Variants in FAM227B observed in about 807,000 individuals in gnomAD.
FAM227B encodes the protein family with sequence similarity 227 member B.
Under a neutral mutation model 73.8 loss-of-function variants are expected in FAM227B, and 88 were observed. That is an observed-to-expected ratio of 1.19 (90% CI 1.00 to 1.42). The LOEUF is 1.42. FAM227B is among the 40% of genes most tolerant of loss of function. FAM227B has a pLI of 0.00. For missense variants in FAM227B, 632 were observed against 590.9 expected, an observed-to-expected ratio of 1.07 and a Z score of -0.72; for synonymous variants, 210 against 190.5, an observed-to-expected ratio of 1.10 and a Z score of -0.84.
Position 49,615,237 on chromosome 15 carries a change from G to T in FAM227B, c.-66C>A. 1 of 1,405,450 alleles carries T rather than the reference G, an allele frequency of 7.1e-7. No homozygotes were observed. The highest frequency in any genetic ancestry group is 1.2e-5 in the South Asian group (1 of 86,812). 87.1% of individuals were successfully genotyped at this position (1,405,450 alleles called of 1,614,324 possible). Reference sequence around the variant, plus strand: ...TCTTAGGCTTCAATGTGAGTTGGGCGACCAAACTGGGGTATGAAAGACACC... The same window carrying T: ...TCTTAGGCTTCAATGTGAGTTGGGCTACCAAACTGGGGTATGAAAGACACC... On this transcript the variant is annotated 5_prime_UTR_variant, in exon 2 of 16. Transcript: ENST00000299338.
At chr15:49,351,671 C>A (rs1346224711) in intron 13 of FAM227B, among the ~76,000 whole-genome samples, 1 of 152,116 alleles carries the variant, frequency 6.6e-6, no homozygotes, top group Non-Finnish European at 1.5e-5. Flanking sequence ...GGAATCAATA[C>A]CTGTGGTTTC....
At chr15:49,396,718 C>CA in intron 11 of FAM227B, among the ~76,000 whole-genome samples, 1 of 149,642 alleles carries the variant, frequency 6.7e-6, no homozygotes, top group East Asian at 1.9e-4. Flanking sequence ...AACTGGGAGG[C>CA]ACCCCCCAGC....
intron 10 of FAM227B, among the ~76,000 whole-genome samples, chr15:49,510,615 T>A (rs2058923932): frequency 6.6e-6 from 1 of 152,122 alleles, no homozygotes; most frequent in South Asian, 2.1e-4. Flanking sequence ...TGTGCAGTTA[T>A]CATTTAGGGA....
intron 11 of FAM227B, among the ~76,000 whole-genome samples, chr15:49,491,173 T>A (rs1838854149): frequency 6.6e-6 from 1 of 151,920 alleles, no homozygotes; most frequent in Non-Finnish European, 1.5e-5. Flanking sequence ...CAGATTCATC[T>A]CTTTCTTCAT....
intron 11 of FAM227B, among the ~76,000 whole-genome samples, chr15:49,390,054 G>T (rs1173130943): frequency 6.6e-6 from 1 of 152,048 alleles, no homozygotes; most frequent in Non-Finnish European, 1.5e-5. Flanking sequence ...CACAAGGTTG[G>T]ACTGCAAACT....
intron 11 of FAM227B, chr15:49,487,348 AATG>A (rs1204881400): frequency 3.3e-5 from 5 of 151,966 alleles, no homozygotes; most frequent in South Asian, 4.1e-4. Context: ...TAAAACATGA[AATG>A]ATAACAAAAG....
chr15:49,365,528 CTACTGGCAATGTT>C, intron 13 of FAM227B: 1 of 855,630 alleles, frequency 1.2e-6, no homozygotes, highest in Non-Finnish European at 2.0e-6. Context: ...ACTCTGATGA[CTACTGGCAATGTT>C]TCAGTATTTT....
chr15:49,510,233 A>C (rs564712486), intron 10 of FAM227B, among the ~76,000 whole-genome samples: 1 of 152,276 alleles, frequency 6.6e-6, no homozygotes, highest in African/African-American at 2.4e-5. Context: ...CAACTGTTAT[A>C]ATTTTCATTG....
At position 49,328,504 on chromosome 15, in the gene FAM227B, C is replaced by T. The variant is rs1293867643; in HGVS notation, c.*64G>A. 14 of 1,589,508 alleles carry T rather than the reference C, an allele frequency of 8.8e-6. No homozygotes were observed. The highest frequency in any genetic ancestry group is 1.1e-5 in the Non-Finnish European group (13 of 1,165,902). ...TGGACTTGAATTAAATATATTGTTA[C>T]AATTAAACTGATACCACTGAATTGT... On this transcript the variant is annotated 3_prime_UTR_variant, in exon 16 of 16. Coordinates refer to ENST00000299338, the MANE Select transcript of FAM227B (RefSeq NM_152647.3).
intron 13 of FAM227B, among the ~76,000 whole-genome samples, chr15:49,340,358 G>C (rs1390834520): frequency 6.6e-6 from 1 of 151,882 alleles, no homozygotes; most frequent in East Asian, 2.0e-4. Context: ...GGGTGGGAGA[G>C]GGAGTTCCCC....
intron 11 of FAM227B, among the ~76,000 whole-genome samples, chr15:49,410,998 C>T (rs1346205545): frequency 9.9e-6 from 1 of 101,302 alleles, no homozygotes; most frequent in Admixed American, 1.5e-4. Flanking sequence ...GTGTGTGTAT[C>T]TGTGTGTGGG....
chr15:49,520,079 T>C (rs945006212), intron 10 of FAM227B, among the ~76,000 whole-genome samples: 91 of 152,298 alleles, frequency 6.0e-4, no homozygotes, highest in African/African-American at 2.1e-3. Context: ...AGTTCAAAGT[T>C]CCACAGATCT....
chr15:49,418,389 T>C (rs562889855), intron 11 of FAM227B, among the ~76,000 whole-genome samples: 2 of 152,148 alleles, frequency 1.3e-5, no homozygotes, highest in African/African-American at 4.8e-5. Context: ...CTATTCACAA[T>C]AGCAAAGATA....
intron 9 of FAM227B, among the ~76,000 whole-genome samples, chr15:49,563,586 T>C (rs1205230057): frequency 6.6e-6 from 1 of 152,054 alleles, no homozygotes; most frequent in Non-Finnish European, 1.5e-5. Flanking sequence ...ACCTGACTTC[T>C]GACTACACTA....
chr15:49,457,621 T>C (rs1377090690), intron 11 of FAM227B, among the ~76,000 whole-genome samples: 5 of 152,008 alleles, frequency 3.3e-5, no homozygotes, highest in Admixed American at 1.3e-4. Flanking sequence ...ACTTGAAAAA[T>C]GAGTCTATAA....
chr15:49,554,333 C>T (rs537847372), intron 9 of FAM227B, among the ~76,000 whole-genome samples: 1 of 152,268 alleles, frequency 6.6e-6, no homozygotes, highest in South Asian at 2.1e-4. Flanking sequence ...GTGCACACTC[C>T]AGTCCATTGT....
intron 14 of FAM227B, among the ~76,000 whole-genome samples, chr15:49,333,807 T>C (rs990709840): frequency 3.9e-5 from 6 of 152,226 alleles, no homozygotes; most frequent in African/African-American, 1.2e-4. Flanking sequence ...CAATACTTTA[T>C]AGTTGTTCTT....
intron 10 of FAM227B, among the ~76,000 whole-genome samples, chr15:49,526,482 AG>A (rs2060213853): frequency 6.6e-6 from 1 of 152,156 alleles, no homozygotes; most frequent in East Asian, 1.9e-4. Context: ...ATTTACCCCA[AG>A]GAACTAGAAA....
At chr15:49,612,216 A>G (rs556307081) in intron 2 of FAM227B, among the ~76,000 whole-genome samples, 1 of 152,098 alleles carries the variant, frequency 6.6e-6, no homozygotes, top group African/African-American at 2.4e-5. Context: ...AACATTAGGT[A>G]TATCTCCTAA....
Sources: allele counts gnomAD v4.1 joint callset (sites outside exome capture counted in the v4.1 genomes callset), GRCh38; gene constraint gnomAD v4.1.1; transcripts MANE v1.5; gene names NCBI Gene and HGNC (gene_info 2026-07-23, HGNC 2026-07-21).